SCAI: variants seen among roughly 807,000 people sequenced by gnomAD.
The protein encoded by SCAI is suppressor of cancer cell invasion.
A neutral mutation model predicts 92.2 loss-of-function variants in SCAI; 24 were observed. That is an observed-to-expected ratio of 0.26 (90% CI 0.19 to 0.37). The LOEUF is 0.37. SCAI is among the 10% of genes least tolerant of loss of function. The probability of loss-of-function intolerance (pLI) is 1.00; values close to 1 mark genes in which losing one functional copy is unlikely to be tolerated. For missense variants in SCAI, 450 were observed against 736.2 expected (o/e 0.61, Z 4.50); for synonymous variants, 261 against 258.6 (o/e 1.01, Z -0.09).
At chr9:125,101,548 G>T (rs1834678730) in intron 2 of SCAI, among the ~76,000 whole-genome samples, 1 of 152,162 alleles carries the variant, frequency 6.6e-6, no homozygotes, top group African/African-American at 2.4e-5. Flanking sequence ...TGTCTGGGAG[G>T]TCTATTAGGA....
intron 2 of SCAI, among the ~76,000 whole-genome samples, chr9:125,065,297 G>T (rs1447221234): frequency 1.1e-4 from 17 of 151,920 alleles, no homozygotes; most frequent in Non-Finnish European, 2.9e-5. Context: ...ATCACAAAAG[G>T]AATATTATAA....
At chr9:125,140,726 T>G (rs1835647117) in intron 2 of SCAI, among the ~76,000 whole-genome samples, 1 of 146,094 alleles carries the variant, frequency 6.8e-6, no homozygotes, top group African/African-American at 2.5e-5. Context: ...GGGTGAGGTG[T>G]CAGGCGCTTG....
chr9:125,099,247 A>G (rs956336872), intron 2 of SCAI, among the ~76,000 whole-genome samples: 2 of 152,118 alleles, frequency 1.3e-5, no homozygotes, highest in Non-Finnish European at 2.9e-5. Flanking sequence ...AGCATGATGT[A>G]ATTCCTATAG....
chr9:125,048,157 T>C (rs1833484226), intron 3 of SCAI, among the ~76,000 whole-genome samples: 1 of 152,146 alleles, frequency 6.6e-6, no homozygotes, highest in South Asian at 2.1e-4. Context: ...TTTGTATTTT[T>C]AGTAGAGATG....
intron 9 of SCAI, among the ~76,000 whole-genome samples, chr9:125,006,854 C>G (rs894528644): frequency 1.3e-5 from 2 of 152,102 alleles, no homozygotes; most frequent in African/African-American, 2.4e-5. Context: ...TGTGCTGGCT[C>G]GCACCTGTAA....
At chr9:125,032,195 A>ATATATATATATATATTTT (rs1177865840) in intron 3 of SCAI, among the ~76,000 whole-genome samples, 2 of 99,476 alleles carry the variant, frequency 2.0e-5, no homozygotes, top group African/African-American at 9.5e-5. Flanking sequence ...ATATATATAT[A>ATATATATATATATATTTT]TTTTTTTTTT....
chr9:125,090,645 C>T (rs1340564163), intron 2 of SCAI, among the ~76,000 whole-genome samples: 2 of 152,130 alleles, frequency 1.3e-5, no homozygotes, highest in Non-Finnish European at 2.9e-5. Context: ...GACTTATTCT[C>T]CCCACATCTA....
intron 2 of SCAI, among the ~76,000 whole-genome samples, chr9:125,095,533 AAC>A (rs1205006983): frequency 6.6e-6 from 1 of 152,276 alleles, no homozygotes; most frequent in East Asian, 1.9e-4. Context: ...ATTACATAAT[AAC>A]AGAGTCTCCT....
intron 13 of SCAI, among the ~76,000 whole-genome samples, chr9:124,999,255 C>T (rs534748351): frequency 6.6e-6 from 1 of 151,926 alleles, no homozygotes; most frequent in Admixed American, 6.6e-5. Context: ...GGCATGGTGG[C>T]TGGTGCCTGT....
chr9:125,020,726 T>C lies in SCAI; in HGVS notation c.556A>G (p.Ile186Val), dbSNP rs762527108. 7 of 1,536,794 alleles carry C rather than the reference T, an allele frequency of 4.6e-6. No individual in the cohort carries two copies. Among genetic ancestry groups the C allele is most frequent in the Non-Finnish European group, 6.2e-6 (7 of 1,126,388 alleles). ...VKKLRYYARF[I>V]VVCLLLNKMD... ...TTGTTGAGAAGAAGACAAACTACTA[T>C]AAATCTTGCATAATATCGTAACTTC... The change falls in exon 7 of 18, where the codon ATA (isoleucine) becomes GTA (valine). Residue 186 changes from isoleucine (I) to valine (V), a missense_variant. By Grantham distance (29) the Ile-to-Val change is conservative (BLOSUM62 3). Coordinates refer to ENST00000336505, the MANE Select transcript of SCAI (RefSeq NM_001144877.3).
chr9:124,972,089 TG>T (rs1242251486), intron 15 of SCAI, among the ~76,000 whole-genome samples: 1 of 152,228 alleles, frequency 6.6e-6, no homozygotes, highest in Non-Finnish European at 1.5e-5. Context: ...TACTATTTTT[TG>T]CTCTCAATTA....
rs531258369 is a variant in SCAI at position 125,123,535 on chromosome 9, G to A, written c.98+19098C>T. Among the ~76,000 whole-genome samples, 9 of 152,320 alleles carry A rather than the reference G, an allele frequency of 5.9e-5. No individual in the cohort carries two copies. In the East Asian group the frequency reaches 7.7e-4, roughly 13 times the overall value. On this transcript the variant is annotated intron_variant, in intron 2 of 17. Transcript: ENST00000336505. ...CTCACGCCTGTAATCCCAGCACTTC[G>A]GGAGGCCGAGGCAGGTGGATCACGA...
chr9:125,021,854 C>T (rs1361272371), intron 6 of SCAI, among the ~76,000 whole-genome samples: 1 of 152,076 alleles, frequency 6.6e-6, no homozygotes, highest in Non-Finnish European at 1.5e-5. Flanking sequence ...AATCCTCTTG[C>T]CTCAGCCTTC....
chr9:124,957,529 ATT>A (rs34588772), intron 17 of SCAI, among the ~76,000 whole-genome samples: 2 of 138,442 alleles, frequency 1.4e-5, no homozygotes, highest in East Asian at 2.2e-4. Flanking sequence ...CACCCGGCTA[ATT>A]TTTTTTTTTT....
At chr9:125,103,760 G>C (rs1834723910) in intron 2 of SCAI, among the ~76,000 whole-genome samples, 1 of 152,092 alleles carries the variant, frequency 6.6e-6, no homozygotes, top group East Asian at 1.9e-4. Context: ...GACTTCCTGA[G>C]TTTCACAAAC....
chr9:124,974,065 T>C, intron 15 of SCAI: 1 of 258,216 alleles, frequency 3.9e-6, no homozygotes. Context: ...GAATCACTTA[T>C]AATAACCGCC....
At chr9:125,120,747 G>T (rs1016218627) in intron 2 of SCAI, among the ~76,000 whole-genome samples, 1 of 151,900 alleles carries the variant, frequency 6.6e-6, no homozygotes, top group Non-Finnish European at 1.5e-5. Flanking sequence ...GGTGGCATAC[G>T]CCTGTAGTTC....
Position 125,018,946 on chromosome 9 carries a change from ATCCGCC to A in SCAI, c.709-1_713del. 1 of 1,612,264 alleles carries A rather than the reference ATCCGCC, an allele frequency of 6.2e-7. No individual in the cohort carries two copies. Among genetic ancestry groups the A allele is most frequent in the Admixed American group, 1.7e-5 (1 of 59,442 alleles). On this transcript the variant is annotated splice_acceptor_variant and coding_sequence_variant, in exon 9 of 18. Transcript: ENST00000336505. LOFTEE classifies it high-confidence loss of function. Reference sequence around the variant, plus strand: ...TATCATCATTTAATACCATTACAGGATCCGCCTAAAGAAAAAAGCAATAAGAACTTA... The same window carrying A: ...TATCATCATTTAATACCATTACAGGATAAAGAAAAAAGCAATAAGAACTTA...
At chr9:125,108,725 C>T (rs970841667) in intron 2 of SCAI, among the ~76,000 whole-genome samples, 13 of 151,766 alleles carry the variant, frequency 8.6e-5, no homozygotes, top group Admixed American at 2.6e-4. Context: ...GCAGCCGCCC[C>T]GTCCAGGAAG....
Sources: gnomAD v4.1 joint callset for allele counts (sites outside exome capture counted in the v4.1 genomes callset) on GRCh38, gnomAD v4.1.1 for gene constraint, MANE v1.5 for transcripts, NCBI Gene and HGNC (gene_info 2026-07-23, HGNC 2026-07-21) for gene names.